HSD3B2: variants seen among roughly 807,000 people sequenced by gnomAD.
HSD3B2 encodes the protein hydroxy-delta-5-steroid dehydrogenase, 3 beta- and steroid delta-isomerase 2.
Under a neutral mutation model 9.9 loss-of-function variants are expected in HSD3B2, and 8 were observed. The observed-to-expected ratio is 0.81, with a 90% CI of 0.47 to 1.46. HSD3B2 has a LOEUF of 1.46. Ranked by LOEUF, HSD3B2 falls within the 40% of genes most tolerant of loss-of-function variation. The pLI is 0.00. For missense variants in HSD3B2, 410 were observed against 448.3 expected (o/e 0.91, Z 0.77); for synonymous variants, 221 against 184.5 (o/e 1.20, Z -1.60).
intron 2 of HSD3B2, among the ~76,000 whole-genome samples, chr1:119,415,918 A>G (rs1315248569): frequency 6.6e-6 from 1 of 152,082 alleles, no homozygotes; most frequent in African/African-American, 2.4e-5. Flanking sequence ...AAAGGACATC[A>G]TTTACCTGGA....
At chr1:119,420,197 T>C (rs587768931) in intron 3 of HSD3B2, among the ~76,000 whole-genome samples, 1 of 152,300 alleles carries the variant, frequency 6.6e-6, no homozygotes, top group South Asian at 2.1e-4. Context: ...CCACAGGGTC[T>C]ACTATTACAG....
chr1:119,415,936 C>G (rs1022305447), intron 2 of HSD3B2, among the ~76,000 whole-genome samples: 1 of 152,200 alleles, frequency 6.6e-6, no homozygotes, highest in African/African-American at 2.4e-5. Flanking sequence ...GGAGACCTCA[C>G]CAGTGGGTCC....
chr1:119,423,031 T>C lies in HSD3B2; in HGVS notation c.*411T>C, dbSNP rs1651940686. 6.6e-6 allele frequency: 2 copies of C among 303,660 alleles called. No homozygotes were observed. Among genetic ancestry groups the C allele is most frequent in the African/African-American group, 2.2e-5 (1 of 46,438 alleles). 18.8% of individuals were successfully genotyped at this position (303,660 alleles called of 1,614,324 possible). ...GCAATAAATGTTTTAATGCTTAACA[T>C]GGAGAGAAGCATGGTTTCTGTTAAT... On this transcript the variant is annotated 3_prime_UTR_variant, in exon 4 of 4. Transcript: ENST00000369416.
intron 2 of HSD3B2, among the ~76,000 whole-genome samples, chr1:119,417,966 C>T (rs1651755415): frequency 1.3e-5 from 2 of 152,066 alleles, no homozygotes; most frequent in Admixed American, 6.6e-5. Flanking sequence ...ACCTACCTCA[C>T]GAGATAGCTG....
intron 3 of HSD3B2, chr1:119,419,880 A>G (rs587712231): frequency 2.5e-6 from 1 of 394,438 alleles, no homozygotes; most frequent in African/African-American, 2.0e-5. Context: ...AGCTCTTTCT[A>G]CTGTGGCCCC....
rs963234097 is a variant in HSD3B2 at position 119,422,970 on chromosome 1, T to G, written c.*350T>G. ...AATGAGAAAGCATTTCTTTTCTCTT[T>G]AATCTCCTATTCCTTCACACAGTTC... On this transcript the variant is annotated 3_prime_UTR_variant, in exon 4 of 4. Transcript: ENST00000369416. 1 of 437,226 alleles carries G rather than the reference T, an allele frequency of 2.3e-6. No individual in the cohort carries two copies. The highest frequency in any genetic ancestry group is 4.2e-6 in the Non-Finnish European group (1 of 238,866). 27.1% of individuals were successfully genotyped at this position (437,226 alleles called of 1,614,324 possible).
At chr1:119,421,627 T>G (rs587733788) in intron 3 of HSD3B2, among the ~76,000 whole-genome samples, 182 bp from the exon 4 acceptor site, 7 of 151,256 alleles carry the variant, frequency 4.6e-5, no homozygotes, top group African/African-American at 1.7e-4. Flanking sequence ...TTCTTTTTAT[T>G]TTTGTGTTTT....
intron 3 of HSD3B2, among the ~76,000 whole-genome samples, chr1:119,420,226 G>T (rs1209950333): frequency 1.3e-5 from 2 of 152,224 alleles, no homozygotes; most frequent in South Asian, 2.1e-4. Flanking sequence ...CCTGCCAGGT[G>T]CCCAAAGTGC....
At chr1:119,416,024 A>C (rs1651697275) in intron 2 of HSD3B2, among the ~76,000 whole-genome samples, 1 of 152,138 alleles carries the variant, frequency 6.6e-6, no homozygotes, top group African/African-American at 2.4e-5. Context: ...AATAAAAGGA[A>C]GTGAAGGTAC....
intron 2 of HSD3B2, among the ~76,000 whole-genome samples, chr1:119,417,720 T>G (rs964064878): frequency 1.6e-4 from 24 of 152,362 alleles, no homozygotes; most frequent in Non-Finnish European, 1.8e-4. Context: ...TTTTTCATTC[T>G]GAATTTCGCT....
intron 3 of HSD3B2, 69 bp downstream of exon 3, chr1:119,419,651 G>T: frequency 6.8e-7 from 1 of 1,480,898 alleles, no homozygotes. Context: ...ACAAGAAAGG[G>T]AAGAGAAGTC....
Position 119,422,136 on chromosome 1 carries a change from C to T in HSD3B2, c.635C>T (p.Ser212Leu). The T allele has an allele frequency of 6.2e-7, 1 of 1,614,084 alleles. No homozygotes were observed. Among genetic ancestry groups the T allele is most frequent in the Non-Finnish European group, 8.5e-7 (1 of 1,179,990 alleles). Reference protein sequence around the residue: ...NEALNNNGILSSVGKFSTVNP... With the variant: ...NEALNNNGILLSVGKFSTVNP... The stretch of plus-strand genomic sequence containing the variant: ...GCCCTGAACAACAATGGGATCCTGT[C>T]AAGTGTTGGAAAGTTCTCTACAGTC... Residue 212 changes from serine to leucine, a missense_variant, in exon 4 of 4, where the codon TCA (serine) becomes TTA (leucine). By Grantham distance (145) the Ser-to-Leu change is moderately radical. Transcript: ENST00000369416.
At position 119,415,312 on chromosome 1, in the gene HSD3B2, T is replaced by C. The variant is rs1339999688; in HGVS notation, c.-89-19T>C. The C allele has an allele frequency of 4.9e-6, 6 of 1,216,916 alleles. No homozygotes were observed. Among genetic ancestry groups the C allele is most frequent in the Non-Finnish European group, 7.3e-6 (6 of 824,702 alleles). The allele number at this position is 1,216,916 out of a possible 1,614,324, so 75.4% of individuals were successfully genotyped here. On this transcript the variant is annotated intron_variant, in intron 1 of 3. Coordinates refer to ENST00000369416, the MANE Select transcript of HSD3B2 (RefSeq NM_000198.4). ...AAGGCATCTGCTGAGTGTATAACCA[T>C]TTTACCTCTTGTTTTTAGCCCTCTT...
rs760846678 is a variant in HSD3B2, at chr1:119,415,544, TGA to T, written c.131_132del (p.Glu44GlyfsTer4). 5 of 1,613,698 alleles carry T rather than the reference TGA, an allele frequency of 3.1e-6. No individual in the cohort carries two copies. Among genetic ancestry groups the T allele is most frequent in the Admixed American group, 1.7e-5 (1 of 59,984 alleles). On this transcript the variant is annotated frameshift_variant, in exon 2 of 4. Coordinates refer to ENST00000369416, the MANE Select transcript of HSD3B2 (RefSeq NM_000198.4). LOFTEE classifies it high-confidence loss of function. ...TTGGACAAGGCCTTCAGACCAGAAT[TGA>T]GAGAGGAATTTTCTAGTAAGTAAAC...
At chr1:119,417,179 G>T (rs72991463) in intron 2 of HSD3B2, among the ~76,000 whole-genome samples, 23,002 of 152,174 alleles carry the variant, frequency 0.15, 2,692 homozygotes, top group African/African-American at 0.32. Context: ...AATCCAGGCA[G>T]TCTAGTGCAG....
intron 3 of HSD3B2, among the ~76,000 whole-genome samples, chr1:119,421,393 A>ATATATATATGTATATATATATATG (rs1211283651): frequency 6.7e-5 from 8 of 119,638 alleles, no homozygotes; most frequent in South Asian, 2.9e-4. Flanking sequence ...ATATATATGT[A>ATATATATATGTATATATATATATG]TATATATATG....
At chr1:119,419,107 TA>T (rs1255483690) in intron 2 of HSD3B2, among the ~76,000 whole-genome samples, 1 of 152,186 alleles carries the variant, frequency 6.6e-6, no homozygotes, top group Non-Finnish European at 1.5e-5. Context: ...CTATTCTCCA[TA>T]AAAAATTTGG....
At chr1:119,416,570 G>A (rs2101337962) in intron 2 of HSD3B2, among the ~76,000 whole-genome samples, 1 of 152,258 alleles carries the variant, frequency 6.6e-6, no homozygotes, top group East Asian at 1.9e-4. Context: ...TCCTTGGTGG[G>A]TCTTCAGTCT....
intron 3 of HSD3B2, 161 bp downstream of exon 3, chr1:119,419,743 C>T (rs923907356): frequency 6.0e-5 from 43 of 718,932 alleles, no homozygotes; most frequent in Admixed American, 3.1e-4. Flanking sequence ...CTGGTAACCT[C>T]AGTTTTTTAG....
Sources: gnomAD v4.1 joint callset for allele counts (sites outside exome capture counted in the v4.1 genomes callset) on GRCh38, gnomAD v4.1.1 for gene constraint, MANE v1.5 for transcripts, NCBI Gene and HGNC (gene_info 2026-07-23, HGNC 2026-07-21) for gene names.